PPARGC1A: variants seen among roughly 807,000 people sequenced by gnomAD.
PPARGC1A encodes PPARG coactivator 1 alpha, also known as peroxisome proliferator-activated receptor gamma coactivator 1-alpha.
PPARGC1A carries 25 observed loss-of-function variants against 88.7 expected under a neutral mutation model. That is an observed-to-expected ratio of 0.28 (90% confidence interval 0.21 to 0.39). PPARGC1A has a LOEUF of 0.39. Ranked by LOEUF, PPARGC1A falls within the 10% of genes least tolerant of loss-of-function variation. The pLI, the probability that PPARGC1A is intolerant of heterozygous loss-of-function variation, is 1.00. For missense variants in PPARGC1A, 880 were observed against 968.7 expected (o/e 0.91, Z 1.22); for synonymous variants, 363 against 355.6 (o/e 1.02, Z -0.24).
chr4:23,922,054 G>C, the PPARGC1A span, among the ~76,000 whole-genome samples: 3 of 152,186 alleles, frequency 2.0e-5, no homozygotes, highest in South Asian at 2.1e-4. Flanking sequence ...TAGCAGAGCA[G>C]AGAAAAAATG....
the PPARGC1A span, among the ~76,000 whole-genome samples, chr4:24,287,134 T>C: frequency 6.6e-5 from 10 of 151,766 alleles, no homozygotes; most frequent in Non-Finnish European, 1.3e-4. Context: ...CTGTGCATTA[T>C]AGAATAGCTA....
chr4:24,096,443 A>T, the PPARGC1A span, among the ~76,000 whole-genome samples: 1 of 152,252 alleles, frequency 6.6e-6, no homozygotes, highest in African/African-American at 2.4e-5. Context: ...TCCAGCCTCT[A>T]GAACTGTGAG....
At chr4:24,397,584 C>G in the PPARGC1A span, among the ~76,000 whole-genome samples, 1 of 152,146 alleles carries the variant, frequency 6.6e-6, no homozygotes, top group Non-Finnish European at 1.5e-5. Context: ...TTTCTTCTCC[C>G]TCTTGCTCAC....
At chr4:24,013,036 C>T in the PPARGC1A span, among the ~76,000 whole-genome samples, 1 of 152,136 alleles carries the variant, frequency 6.6e-6, no homozygotes, top group Non-Finnish European at 1.5e-5. Flanking sequence ...TAGAAAACCC[C>T]TGTAACAGGT....
At chr4:24,232,762 G>A in the PPARGC1A span, among the ~76,000 whole-genome samples, 1 of 152,330 alleles carries the variant, frequency 6.6e-6, no homozygotes, top group African/African-American at 2.4e-5. Flanking sequence ...TCAAACAAAA[G>A]CCTCACCACA....
chr4:23,889,287 G>A (rs574759347), intron 1 of PPARGC1A: 8 of 985,232 alleles, frequency 8.1e-6, no homozygotes, highest in Middle Eastern at 5.2e-4. Flanking sequence ...TGCACTGCCA[G>A]GCGTTTCTTT....
At chr4:24,062,158 G>A in the PPARGC1A span, among the ~76,000 whole-genome samples, 247 of 152,274 alleles carry the variant, frequency 1.6e-3, 1 homozygote, top group Non-Finnish European at 2.6e-3. Context: ...AAACAAAGAA[G>A]TGGCATGACT....
the PPARGC1A span, among the ~76,000 whole-genome samples, chr4:24,149,915 C>G: frequency 3.3e-5 from 5 of 152,148 alleles, no homozygotes; most frequent in Non-Finnish European, 7.4e-5. Flanking sequence ...AGTTGAAATT[C>G]ATTGATCTGG....
chr4:23,822,318 AT>A (rs897520535), intron 7 of PPARGC1A, among the ~76,000 whole-genome samples: 77 of 151,780 alleles, frequency 5.1e-4, no homozygotes, highest in African/African-American at 1.7e-3. Context: ...AAATCTGTGC[AT>A]TTTTTTTGTT....
chr4:24,207,243 C>T, the PPARGC1A span, among the ~76,000 whole-genome samples: 3 of 152,140 alleles, frequency 2.0e-5, no homozygotes, highest in East Asian at 1.9e-4. Flanking sequence ...TTTGAATTCA[C>T]ACTTTTTGAA....
At chr4:24,439,881 C>T in the PPARGC1A span, among the ~76,000 whole-genome samples, 1 of 152,166 alleles carries the variant, frequency 6.6e-6, no homozygotes, top group Non-Finnish European at 1.5e-5. Flanking sequence ...CCCTCAGAGC[C>T]AAATCCCTTA....
the PPARGC1A span, among the ~76,000 whole-genome samples, chr4:23,969,308 G>A: frequency 7.9e-5 from 12 of 152,214 alleles, no homozygotes; most frequent in East Asian, 3.9e-4. Context: ...GTACACTAAC[G>A]TCACAATTAT....
chr4:24,128,142 A>G, the PPARGC1A span, among the ~76,000 whole-genome samples: 1 of 152,252 alleles, frequency 6.6e-6, no homozygotes, highest in South Asian at 2.1e-4. Flanking sequence ...TCTGTGGAGC[A>G]TGCTTTGATC....
the PPARGC1A span, among the ~76,000 whole-genome samples, chr4:24,433,102 G>A: frequency 2.0e-5 from 3 of 152,124 alleles, no homozygotes; most frequent in Non-Finnish European, 2.9e-5. Flanking sequence ...TTTTGTTAGC[G>A]GACTCCATAA....
intron 1 of PPARGC1A, among the ~76,000 whole-genome samples, chr4:23,897,231 G>A (rs1577691561): frequency 6.6e-6 from 1 of 152,344 alleles, no homozygotes; most frequent in East Asian, 1.9e-4. Flanking sequence ...ATATTTGTAA[G>A]AAGAGGAGTA....
At chr4:24,422,641 A>T in the PPARGC1A span, among the ~76,000 whole-genome samples, 1 of 151,782 alleles carries the variant, frequency 6.6e-6, no homozygotes, top group East Asian at 1.9e-4. Flanking sequence ...AAAAAAAAAA[A>T]AAAGCTATTT....
At chr4:24,097,205 T>C in the PPARGC1A span, among the ~76,000 whole-genome samples, 166 of 152,304 alleles carry the variant, frequency 1.1e-3, no homozygotes, top group African/African-American at 3.7e-3. Flanking sequence ...TAAATGCTGG[T>C]AAAAGATGGT....
At chr4:23,986,324 C>T in the PPARGC1A span, among the ~76,000 whole-genome samples, 2 of 152,052 alleles carry the variant, frequency 1.3e-5, no homozygotes, top group Non-Finnish European at 2.9e-5. Context: ...TGGTTCGTGG[C>T]ATTCTTCATC....
At chr4:23,813,625 A>G (rs959103147) in intron 8 of PPARGC1A, 65 bp downstream of exon 8, 1 of 1,374,372 alleles carries the variant, frequency 7.3e-7, no homozygotes. Context: ...TTTTATTTGT[A>G]TTTTATTTTA....
Sources: gnomAD v4.1 joint callset for allele counts (sites outside exome capture counted in the v4.1 genomes callset) on GRCh38, gnomAD v4.1.1 for gene constraint, MANE v1.5 for transcripts, NCBI Gene and HGNC (gene_info 2026-07-23, HGNC 2026-07-21) for gene names.